ARL17B: variants seen among roughly 807,000 people sequenced by gnomAD.
ARL17B encodes the protein ARF like GTPase 17B.
At chr17:46,283,734 C>T (rs1200686992) in intron 4 of ARL17B, among the ~76,000 whole-genome samples, 4 of 152,098 alleles carry the variant, frequency 2.6e-5, no homozygotes, top group East Asian at 1.9e-4. Flanking sequence ...GCCCAGGGTA[C>T]CTGCGTTCAG....
At chr17:46,274,285 C>A (rs1010263602), downstream of ARL17B, among the ~76,000 whole-genome samples, 14 of 152,180 alleles carry the variant, frequency 9.2e-5, no homozygotes, top group Non-Finnish European at 1.9e-4. Context: ...CAAATGTTTA[C>A]AAAGAAGATA....
At chr17:46,283,657 T>C (rs2049829766) in intron 4 of ARL17B, among the ~76,000 whole-genome samples, 1 of 152,232 alleles carries the variant, frequency 6.6e-6, no homozygotes, top group Non-Finnish European at 1.5e-5. Context: ...TGTTTCTCGT[T>C]AAGTGGAACG....
chr17:46,284,792 T>A (rs2049860723), intron 4 of ARL17B, among the ~76,000 whole-genome samples: 1 of 152,256 alleles, frequency 6.6e-6, no homozygotes, highest in African/African-American at 2.4e-5. Context: ...AGACTACGAT[T>A]CCCTTTTTAG....
At chr17:46,285,788 T>C (rs1178298505) in intron 4 of ARL17B, among the ~76,000 whole-genome samples, 1 of 152,236 alleles carries the variant, frequency 6.6e-6, no homozygotes, top group Non-Finnish European at 1.5e-5. Flanking sequence ...ATAATCACTC[T>C]AAGATTGGAA....
intron 4 of ARL17B, among the ~76,000 whole-genome samples, chr17:46,280,523 T>C (rs1240091203): frequency 7.9e-5 from 12 of 151,504 alleles, no homozygotes; most frequent in Admixed American, 7.9e-4. Flanking sequence ...TAAAAATATA[T>C]ATTATTAAAA....
At position 46,292,263 on chromosome 17, in the gene ARL17B, C is replaced by T. The variant is rs1216863759; in HGVS notation, c.*21+7263G>A. On this transcript the variant is annotated intron_variant, in intron 4 of 4. Coordinates refer to the ARL17B transcript ENST00000570618. ...ATGAAAACCACTTGAACCCAGGAGG[C>T]GGAGGTTGCAGTGAGCCGAGATCAT... Among the ~76,000 whole-genome samples, 13 of 73,154 alleles carry T rather than the reference C, an allele frequency of 1.8e-4. 5 individuals carry two copies. The highest frequency in any genetic ancestry group is 7.9e-4 in the East Asian group (3 of 3,800). 48.0% of individuals were successfully genotyped at this position (73,154 alleles called of 152,430 possible).
intron 4 of ARL17B, among the ~76,000 whole-genome samples, chr17:46,282,104 T>A (rs1359401844): frequency 1.3e-5 from 2 of 152,090 alleles, no homozygotes; most frequent in Non-Finnish European, 2.9e-5. Flanking sequence ...TTTTTGTTTT[T>A]GTTTTTGTTT....
rs1424696199 is a variant in ARL17B, at chr17:46,280,589, T to C, written c.*22-5171A>G. On this transcript the variant is annotated intron_variant, in intron 4 of 4. Transcript: ENST00000570618. ...GCACACTTTTTTTTTTTTTTTTTTT[T>C]CCTGAGCAGAGTCTCACTCTGACAC... 1.9e-4 allele frequency among the ~76,000 whole-genome samples: 28 copies of C among 149,666 alleles called. No homozygotes were observed. The East Asian group carries it at 4.1e-3, about 22-fold the overall frequency.
intron 3 of ARL17B, among the ~76,000 whole-genome samples, chr17:46,352,002 G>A (rs1467250289): frequency 5.9e-5 from 9 of 152,006 alleles, no homozygotes; most frequent in East Asian, 5.8e-4. Context: ...TTGGGAGGCC[G>A]AGGCGGGTGG....
chr17:46,281,415 G>T (rs2143355856), intron 4 of ARL17B, among the ~76,000 whole-genome samples: 1 of 151,938 alleles, frequency 6.6e-6, no homozygotes, highest in East Asian at 1.9e-4. Flanking sequence ...TTTGAGACAG[G>T]GTCTCAATCT....
chr17:46,306,071 G>A lies in ARL17B; in HGVS notation c.260-6406C>T, dbSNP rs1277034300. On this transcript the variant is annotated intron_variant, in intron 3 of 4. Transcript: ENST00000434041. Reference sequence around the variant, plus strand: ...AATGCACCACGTGTGCAGTGTTAAAGTATAAATCATAAGCCAGTATCTTCC... The same window carrying A: ...AATGCACCACGTGTGCAGTGTTAAAATATAAATCATAAGCCAGTATCTTCC... Among the ~76,000 whole-genome samples, 2 of 80,522 alleles carry A rather than the reference G, an allele frequency of 2.5e-5. 1 individual carries two copies. Among genetic ancestry groups the A allele is most frequent in the African/African-American group, 6.3e-5 (2 of 31,616 alleles). 52.8% of individuals were successfully genotyped at this position (80,522 alleles called of 152,430 possible).
intron 4 of ARL17B, among the ~76,000 whole-genome samples, chr17:46,282,661 A>C (rs1305135008): frequency 6.6e-6 from 1 of 150,676 alleles, no homozygotes; most frequent in African/African-American, 2.5e-5. Context: ...GCTTCAAGCT[A>C]TTCTCCCCAC....
intron 4 of ARL17B, among the ~76,000 whole-genome samples, chr17:46,281,524 G>T (rs1217508326): frequency 6.6e-6 from 1 of 152,074 alleles, no homozygotes; most frequent in Non-Finnish European, 1.5e-5. Context: ...TGAACTCCTG[G>T]GCACAAGTGA....
At chr17:46,282,711 C>T (rs2049802364) in intron 4 of ARL17B, among the ~76,000 whole-genome samples, 1 of 152,164 alleles carries the variant, frequency 6.6e-6, no homozygotes, top group Non-Finnish European at 1.5e-5. Context: ...CATAAGTCAC[C>T]TTGCCTGGCC....
intron 4 of ARL17B, among the ~76,000 whole-genome samples, chr17:46,277,807 T>C (rs111446248): frequency 0.11 from 16,348 of 148,186 alleles, no homozygotes; most frequent in Non-Finnish European, 0.17. Context: ...CCCTTACGCC[T>C]AGCTAATTTT....
chr17:46,312,592 G>A (rs1056820242), intron 3 of ARL17B, among the ~76,000 whole-genome samples: 2 of 72,970 alleles, frequency 2.7e-5, no homozygotes. Context: ...ACAGGCTTGA[G>A]ATGCTGTGCC....
At chr17:46,350,540 C>T (rs1434308827) in intron 3 of ARL17B, among the ~76,000 whole-genome samples, 1 of 78,130 alleles carries the variant, frequency 1.3e-5, no homozygotes, top group Non-Finnish European at 3.5e-5. Context: ...CAACCAAATC[C>T]AGAATGTGGA....
At chr17:46,278,423 A>G (rs113951762) in intron 4 of ARL17B, among the ~76,000 whole-genome samples, 16,453 of 135,714 alleles carry the variant, frequency 0.12, no homozygotes, top group Middle Eastern at 0.18. Flanking sequence ...TTGTTGTTTT[A>G]AGATGGAGTC....
chr17:46,288,548 T>C (rs2143433775), intron 4 of ARL17B, among the ~76,000 whole-genome samples: 1 of 152,202 alleles, frequency 6.6e-6, no homozygotes, highest in South Asian at 2.1e-4. Flanking sequence ...TCCACCTGCC[T>C]TGGCCTCCCA....
Sources: gnomAD v4.1 joint callset for allele counts (sites outside exome capture counted in the v4.1 genomes callset) on GRCh38, gnomAD v4.1.1 for gene constraint, MANE v1.5 for transcripts, NCBI Gene and HGNC (gene_info 2026-07-23, HGNC 2026-07-21) for gene names.